PCDH9: variants seen among roughly 807,000 people sequenced by gnomAD.
PCDH9 encodes protocadherin 9, also known as protocadherin-9.
In PCDH9, 24 loss-of-function variants were observed where a neutral mutation model predicts 70.6. That is an observed-to-expected ratio of 0.34 (90% CI 0.25 to 0.48). The LOEUF is 0.48. Among genes scored for constraint, PCDH9 ranks in the 20% least tolerant of loss-of-function variants. The pLI is 0.99. For synonymous variants in PCDH9, 562 were observed against 558.5 expected, an observed-to-expected ratio of 1.01 and a Z score of -0.09; for missense variants, 1,281 against 1,503.6, an observed-to-expected ratio of 0.85 and a Z score of 2.45.
intron 2 of PCDH9, among the ~76,000 whole-genome samples, chr13:67,000,492 T>C (rs906671571): frequency 4.8e-5 from 4 of 83,100 alleles, no homozygotes; most frequent in African/African-American, 1.3e-4. Flanking sequence ...AATAATAAAA[T>C]AAAATAAAAA....
At chr13:66,607,326 T>C (rs1434801718) in intron 4 of PCDH9, among the ~76,000 whole-genome samples, 1 of 152,046 alleles carries the variant, frequency 6.6e-6, no homozygotes, top group East Asian at 1.9e-4. Flanking sequence ...AAGAAAAAAG[T>C]ATAAAACTGC....
chr13:67,059,339 A>AAT lies in PCDH9; in HGVS notation c.3037-155736_3037-155735dup, dbSNP rs1223124092. Among the ~76,000 whole-genome samples the AAT allele has an allele frequency of 5.0e-4, 68 of 136,710 alleles. 1 individual carries two copies. In the South Asian group the frequency reaches 7.6e-3, roughly 15 times the overall value. The allele number at this position is 136,710 out of a possible 152,430, so 89.7% of individuals were successfully genotyped here. A position where few individuals can be genotyped will look rare whatever the true frequency, so the allele number is the denominator to read the frequency against. ...GGAGTAAAAAAAAAAACAAATTTCA[A>AAT]ATATATATATATATTATATATATAT... On this transcript the variant is annotated intron_variant, in intron 2 of 4. Coordinates refer to ENST00000377865, the MANE Select transcript of PCDH9 (RefSeq NM_203487.3).
At chr13:66,469,723 C>T (rs570624063) in intron 4 of PCDH9, among the ~76,000 whole-genome samples, 4 of 152,088 alleles carry the variant, frequency 2.6e-5, no homozygotes, top group African/African-American at 7.2e-5. Context: ...TATCTCTGGT[C>T]GCCTCTTATT....
intron 4 of PCDH9, among the ~76,000 whole-genome samples, chr13:66,379,415 A>C (rs1045562908): frequency 5.9e-5 from 9 of 152,230 alleles, no homozygotes; most frequent in Non-Finnish European, 1.3e-4. Flanking sequence ...ATTTTTATAA[A>C]TATAAATTAG....
At chr13:66,737,679 C>G (rs2079175389) in intron 3 of PCDH9, among the ~76,000 whole-genome samples, 1 of 152,190 alleles carries the variant, frequency 6.6e-6, no homozygotes, top group Admixed American at 6.5e-5. Flanking sequence ...CATTGCCTCA[C>G]CTGGGAAGCA....
rs2079912262 is a variant in PCDH9 at position 66,777,291 on chromosome 13, A to G, written c.3138+126213T>C. Among the ~76,000 whole-genome samples the G allele has an allele frequency of 2.0e-5, 3 of 151,804 alleles. No individual in the cohort carries two copies. The South Asian group carries it at 6.2e-4, about 32-fold the overall frequency. On this transcript the variant is annotated intron_variant, in intron 3 of 4. Transcript: ENST00000377865. The stretch of plus-strand genomic sequence containing the variant: ...CAAAATTGACAAATGGGATCTAATT[A>G]AACTAAAGAGCTTCTGCACAGCAAA...
At chr13:66,537,249 A>T (rs1235497463) in intron 4 of PCDH9, among the ~76,000 whole-genome samples, 1 of 152,124 alleles carries the variant, frequency 6.6e-6, no homozygotes, top group Non-Finnish European at 1.5e-5. Context: ...CCAATGATGC[A>T]TTATGCTCAG....
At chr13:66,512,298 A>ATG (rs1326824034) in intron 4 of PCDH9, among the ~76,000 whole-genome samples, 1 of 150,026 alleles carries the variant, frequency 6.7e-6, no homozygotes, top group Non-Finnish European at 1.5e-5. Context: ...ATATATATAT[A>ATG]TATATACACA....
intron 2 of PCDH9, among the ~76,000 whole-genome samples, chr13:67,153,746 T>C (rs1165506248): frequency 1.3e-5 from 2 of 152,242 alleles, no homozygotes; most frequent in African/African-American, 4.8e-5. Flanking sequence ...CTTAGAGGTT[T>C]CTACTGTGAT....
intron 4 of PCDH9, among the ~76,000 whole-genome samples, chr13:66,609,404 G>A (rs1330516419): frequency 6.6e-6 from 1 of 151,802 alleles, no homozygotes; most frequent in Non-Finnish European, 1.5e-5. Flanking sequence ...TTATCTCCTC[G>A]TAGAACTTTT....
intron 4 of PCDH9, among the ~76,000 whole-genome samples, chr13:66,590,775 G>A (rs945258956): frequency 6.6e-6 from 1 of 151,754 alleles, no homozygotes; most frequent in Non-Finnish European, 1.5e-5. Flanking sequence ...GTAAGTGCAC[G>A]TCTTTAACTC....
intron 4 of PCDH9, among the ~76,000 whole-genome samples, chr13:66,545,162 T>G (rs898773663): frequency 6.6e-6 from 1 of 152,196 alleles, no homozygotes; most frequent in Non-Finnish European, 1.5e-5. Context: ...TTGATTTGCA[T>G]GTTAATTCTC....
chr13:66,763,492 A>C (rs2139255726), intron 3 of PCDH9, among the ~76,000 whole-genome samples: 1 of 152,226 alleles, frequency 6.6e-6, no homozygotes, highest in African/African-American at 2.4e-5. Context: ...ATACAGCCAA[A>C]TATTTTATAC....
chr13:66,773,805 C>A (rs978613972), intron 3 of PCDH9, among the ~76,000 whole-genome samples: 2 of 150,330 alleles, frequency 1.3e-5, no homozygotes, highest in African/African-American at 4.9e-5. Context: ...TTAGACGGAG[C>A]TTCGCTCTTG....
At chr13:67,124,801 T>C (rs534167303) in intron 2 of PCDH9, among the ~76,000 whole-genome samples, 1 of 152,306 alleles carries the variant, frequency 6.6e-6, no homozygotes, top group South Asian at 2.1e-4. Context: ...TTTTGAAATA[T>C]ACAATGAATC....
chr13:66,792,684 A>G (rs564916732), intron 3 of PCDH9, among the ~76,000 whole-genome samples: 9 of 152,054 alleles, frequency 5.9e-5, no homozygotes. Context: ...CAACAACAAC[A>G]AAAACCAAGC....
intron 2 of PCDH9, chr13:67,208,787 G>A (rs1414094083): frequency 6.6e-6 from 1 of 152,098 alleles, no homozygotes; most frequent in Non-Finnish European, 1.5e-5. Context: ...CGAGTAGTTG[G>A]AGGAATATCC....
intron 2 of PCDH9, among the ~76,000 whole-genome samples, chr13:67,054,219 A>G (rs974822740): frequency 1.3e-5 from 2 of 152,246 alleles, no homozygotes; most frequent in Non-Finnish European, 2.9e-5. Context: ...ACACTAACTT[A>G]GTTAACAGAA....
At chr13:67,184,491 G>T (rs953908132) in intron 2 of PCDH9, among the ~76,000 whole-genome samples, 1 of 152,158 alleles carries the variant, frequency 6.6e-6, no homozygotes, top group Admixed American at 6.5e-5. Flanking sequence ...AACTCTGGGA[G>T]GCTAAGGCGG....
Sources: gnomAD v4.1 joint callset for allele counts (sites outside exome capture counted in the v4.1 genomes callset) on GRCh38, gnomAD v4.1.1 for gene constraint, MANE v1.5 for transcripts, NCBI Gene and HGNC (gene_info 2026-07-23, HGNC 2026-07-21) for gene names.